The following AGMO variants were observed in gnomAD, a reference collection of about 807,000 sequenced individuals.
The protein encoded by AGMO is alkylglycerol monooxygenase.
A neutral mutation model predicts 60.2 loss-of-function variants in AGMO; 75 were observed. The ratio of observed to expected loss-of-function variants is 1.25; its 90% CI spans 1.03 to 1.51. AGMO has a LOEUF of 1.51. AGMO is among the 40% of genes most tolerant of loss of function. The pLI is 0.00. For synonymous variants in AGMO, 261 were observed against 177.1 expected (o/e 1.47, Z -3.76); for missense variants, 763 against 525.5 (o/e 1.45, Z -4.42).
chr7:15,407,436 A>G (rs959389107), intron 5 of AGMO, among the ~76,000 whole-genome samples: 8 of 151,752 alleles, frequency 5.3e-5, no homozygotes, highest in Non-Finnish European at 1.2e-4. Context: ...ACAAGAAGCC[A>G]AAGGTGTCAT....
chr7:15,558,007 C>G (rs867117898), intron 2 of AGMO, among the ~76,000 whole-genome samples: 3,732 of 151,488 alleles, frequency 0.025, 165 homozygotes, highest in African/African-American at 0.087. Context: ...TTCTCTCTCT[C>G]TCTCTCTCTC....
intron 2 of AGMO, among the ~76,000 whole-genome samples, chr7:15,553,343 AAAAT>A (rs1052173331): frequency 2.0e-5 from 3 of 151,532 alleles, no homozygotes; most frequent in African/African-American, 7.3e-5. Flanking sequence ...ATAAATAAAT[AAAAT>A]AAAATAAAAT....
intron 12 of AGMO, among the ~76,000 whole-genome samples, chr7:15,355,670 T>C (rs1024013984): frequency 3.3e-5 from 5 of 152,104 alleles, no homozygotes; most frequent in African/African-American, 1.2e-4. Flanking sequence ...ATATCAGCAC[T>C]ATATGGAAAA....
chr7:15,237,884 T>C (rs1782475371), intron 12 of AGMO, among the ~76,000 whole-genome samples: 1 of 152,116 alleles, frequency 6.6e-6, no homozygotes, highest in African/African-American at 2.4e-5. Context: ...TTTCAACTTC[T>C]TGACAATTTT....
chr7:15,478,646 A>G (rs1001900528), intron 3 of AGMO, among the ~76,000 whole-genome samples: 1 of 152,108 alleles, frequency 6.6e-6, no homozygotes, highest in Admixed American at 6.5e-5. Context: ...AACACTACAC[A>G]TCACGTTGGG....
intron 12 of AGMO, among the ~76,000 whole-genome samples, chr7:15,341,685 C>T (rs1781852814): frequency 6.6e-6 from 1 of 152,092 alleles, no homozygotes; most frequent in African/African-American, 2.4e-5. Context: ...CATTATTATG[C>T]TGCTAATAAA....
chr7:15,541,253 G>C (rs1212791281), intron 3 of AGMO, among the ~76,000 whole-genome samples: 1 of 152,134 alleles, frequency 6.6e-6, no homozygotes, highest in African/African-American at 2.4e-5. Flanking sequence ...CTCCTGAGTA[G>C]CTGGGATTAC....
At chr7:15,228,889 C>T (rs571675859) in intron 12 of AGMO, among the ~76,000 whole-genome samples, 6 of 152,156 alleles carry the variant, frequency 3.9e-5, no homozygotes, top group South Asian at 2.1e-4. Flanking sequence ...ATGATATTTA[C>T]GCAGTGGTCC....
the AGMO span, among the ~76,000 whole-genome samples, chr7:15,133,761 C>T: frequency 6.6e-6 from 1 of 152,082 alleles, no homozygotes; most frequent in Admixed American, 6.6e-5. Context: ...TCCAACATTA[C>T]CACAACCCAG....
chr7:15,222,403 G>A (rs549290148), intron 12 of AGMO, among the ~76,000 whole-genome samples: 56 of 152,128 alleles, frequency 3.7e-4, no homozygotes, highest in African/African-American at 1.2e-3. Flanking sequence ...AAATAAAACT[G>A]ATAGAAAAAG....
chr7:15,336,686 G>A (rs1226075809), intron 12 of AGMO, among the ~76,000 whole-genome samples: 2 of 152,094 alleles, frequency 1.3e-5, no homozygotes, highest in African/African-American at 4.8e-5. Context: ...CTGCTACTTT[G>A]TGTGTTCTGA....
At position 15,255,232 on chromosome 7, in the gene AGMO, G is replaced by C. The variant is rs113203855; in HGVS notation, c.1264-53873C>G. ...CGGGGAGGGGAGGGAGGTTAGGGAA[G>C]GGATAACATTAGGAGAAATACCTCA... On this transcript the variant is annotated intron_variant, in intron 12 of 12. Coordinates refer to ENST00000342526, the MANE Select transcript of AGMO (RefSeq NM_001004320.2). Among the ~76,000 whole-genome samples, 893 of 152,110 alleles carry C rather than the reference G, an allele frequency of 5.9e-3. 6 individuals are homozygous for C. The highest frequency in any genetic ancestry group is 0.02 in the African/African-American group (846 of 41,502).
At chr7:15,426,144 T>C (rs1364241183) in intron 4 of AGMO, among the ~76,000 whole-genome samples, 1 of 152,220 alleles carries the variant, frequency 6.6e-6, no homozygotes, top group Non-Finnish European at 1.5e-5. Context: ...ATGTAAATTA[T>C]TTCACACATT....
chr7:15,428,869 A>G (rs1194302650), intron 4 of AGMO, among the ~76,000 whole-genome samples: 1 of 152,086 alleles, frequency 6.6e-6, no homozygotes, highest in African/African-American at 2.4e-5. Context: ...AATAAAAGAG[A>G]AATATATAAG....
At position 15,284,276 on chromosome 7, in the gene AGMO, A is replaced by G. The variant is rs531609801; in HGVS notation, c.1263+81238T>C. ...TTGATACAGAAAAACAATACAAAACATCAATGAAACATAAAGTTGCTTCTT... is the reference window on the plus strand; with the variant it reads ...TTGATACAGAAAAACAATACAAAACGTCAATGAAACATAAAGTTGCTTCTT... On this transcript the variant is annotated intron_variant, in intron 12 of 12. Transcript: ENST00000342526. Among the ~76,000 whole-genome samples the G allele has an allele frequency of 3.4e-4, 52 of 152,190 alleles. 1 individual carries two copies. Among genetic ancestry groups the G allele is most frequent in the African/African-American group, 9.9e-4 (41 of 41,574 alleles).
intron 12 of AGMO, among the ~76,000 whole-genome samples, chr7:15,286,243 G>C (rs1437769403): frequency 1.3e-5 from 2 of 152,042 alleles, no homozygotes; most frequent in African/African-American, 4.8e-5. Context: ...AAACGAAAAA[G>C]CTTCTGCACA....
the AGMO span, among the ~76,000 whole-genome samples, chr7:15,180,991 C>A: frequency 6.6e-6 from 1 of 152,094 alleles, no homozygotes; most frequent in East Asian, 1.9e-4. Context: ...ATGAATTCAG[C>A]TCATTTTATG....
At chr7:15,553,131 T>G (rs1218174140) in intron 2 of AGMO, among the ~76,000 whole-genome samples, 10 of 139,378 alleles carry the variant, frequency 7.2e-5, no homozygotes, top group Middle Eastern at 3.6e-3. Context: ...TGAGATCACA[T>G]GGACACAGGA....
intron 10 of AGMO, among the ~76,000 whole-genome samples, chr7:15,368,708 T>C (rs1217485229): frequency 1.3e-5 from 2 of 152,132 alleles, no homozygotes; most frequent in South Asian, 2.1e-4. Flanking sequence ...TACAATAAGA[T>C]GAGCAACTGA....
Sources: gnomAD v4.1 joint callset for allele counts (sites outside exome capture counted in the v4.1 genomes callset) on GRCh38, gnomAD v4.1.1 for gene constraint, MANE v1.5 for transcripts, NCBI Gene and HGNC (gene_info 2026-07-23, HGNC 2026-07-21) for gene names.